SEL1L2: variants seen among roughly 807,000 people sequenced by gnomAD.
SEL1L2 encodes the protein protein sel-1 homolog 2.
In SEL1L2, 89 loss-of-function variants were observed where a neutral mutation model predicts 98.8. That is an observed-to-expected ratio of 0.90 (90% CI 0.76 to 1.07). The LOEUF is 1.07. Ranked by LOEUF, SEL1L2 falls within the 50% of genes least tolerant of loss-of-function variation. The pLI, the probability that SEL1L2 is intolerant of heterozygous loss-of-function variation, is 0.00. For missense variants in SEL1L2, 788 were observed against 812.0 expected, an observed-to-expected ratio of 0.97 and a Z score of 0.36; for synonymous variants, 262 against 278.5, an observed-to-expected ratio of 0.94 and a Z score of 0.59.
intron 5 of SEL1L2, among the ~76,000 whole-genome samples, chr20:13,894,578 A>G (rs898817484): frequency 6.6e-6 from 1 of 152,178 alleles, no homozygotes; most frequent in African/African-American, 2.4e-5. Flanking sequence ...AAACAAACAA[A>G]CAAAAAATTA....
intron 5 of SEL1L2, among the ~76,000 whole-genome samples, chr20:13,912,163 C>T (rs2048230027): frequency 1.3e-5 from 2 of 152,160 alleles, no homozygotes. Context: ...GTTGCCCCAT[C>T]TACAAGGGGT....
At chr20:13,878,013 T>G (rs1374101004) in intron 10 of SEL1L2, among the ~76,000 whole-genome samples, 1 of 152,208 alleles carries the variant, frequency 6.6e-6, no homozygotes, top group Non-Finnish European at 1.5e-5. Context: ...TGCTAATGTT[T>G]GTAGGCAGAG....
upstream of SEL1L2, among the ~76,000 whole-genome samples, chr20:13,991,041 A>G (rs1433722373): frequency 6.6e-6 from 1 of 152,226 alleles, no homozygotes; most frequent in East Asian, 1.9e-4. Flanking sequence ...GAAAATCTTT[A>G]TCCTCTTTTC....
Position 13,859,250 on chromosome 20 carries a change from C to T in SEL1L2, c.1818+12G>A. On this transcript the variant is annotated intron_variant, in intron 18 of 19. Transcript: ENST00000284951. ...GTCATTACTAGGTTTGAATTATTACCAGCAAAATTACCTTTGTGATGCCTA... is the reference window on the plus strand; with the variant it reads ...GTCATTACTAGGTTTGAATTATTACTAGCAAAATTACCTTTGTGATGCCTA... The T allele has an allele frequency of 6.2e-7, 1 of 1,612,618 alleles. No individual in the cohort carries two copies. The highest frequency in any genetic ancestry group is 8.5e-7 in the Non-Finnish European group (1 of 1,178,816).
At chr20:13,968,662 G>T (rs555891316) in intron 1 of SEL1L2, among the ~76,000 whole-genome samples, 1 of 152,288 alleles carries the variant, frequency 6.6e-6, no homozygotes, top group East Asian at 1.9e-4. Context: ...GAAAAGAAAG[G>T]ACTTACAATC....
At chr20:13,931,881 C>A in intron 2 of SEL1L2, 110 bp from the exon 3 acceptor site, 2 of 818,332 alleles carry the variant, frequency 2.4e-6, no homozygotes, top group Non-Finnish European at 1.8e-6. Context: ...AAGCTTAATG[C>A]AATTACTCTA....
intron 1 of SEL1L2, among the ~76,000 whole-genome samples, chr20:13,968,802 A>G (rs1432087082): frequency 1.3e-5 from 2 of 152,220 alleles, no homozygotes; most frequent in African/African-American, 4.8e-5. Context: ...GAGAGGTGGT[A>G]AAGAGAAATT....
At chr20:13,906,774 GT>G (rs2047947684) in intron 5 of SEL1L2, among the ~76,000 whole-genome samples, 1 of 152,064 alleles carries the variant, frequency 6.6e-6, no homozygotes, top group Non-Finnish European at 1.5e-5. Flanking sequence ...TGCCTCCCAG[GT>G]TCCCGCCATT....
At chr20:13,970,252 T>C (rs558285117) in intron 1 of SEL1L2, among the ~76,000 whole-genome samples, 1 of 152,262 alleles carries the variant, frequency 6.6e-6, no homozygotes, top group South Asian at 2.1e-4. Context: ...AATCTCAAGG[T>C]TGGAAGACAG....
intron 18 of SEL1L2, among the ~76,000 whole-genome samples, chr20:13,857,202 A>ATTT (rs1207594766): frequency 2.1e-5 from 3 of 141,442 alleles, no homozygotes; most frequent in African/African-American, 5.2e-5. Flanking sequence ...GTAGTCCCTG[A>ATTT]TTTTTTTTTT....
chr20:13,959,676 G>A (rs2050695184), intron 1 of SEL1L2, among the ~76,000 whole-genome samples: 1 of 152,162 alleles, frequency 6.6e-6, no homozygotes, highest in Non-Finnish European at 1.5e-5. Flanking sequence ...TCTACAACCA[G>A]CAAGATTCAG....
At chr20:13,888,409 C>T (rs1185237249) in intron 6 of SEL1L2, 50 bp downstream of exon 6, 1 of 1,203,928 alleles carries the variant, frequency 8.3e-7, no homozygotes, top group Non-Finnish European at 1.2e-6. Context: ...ATTCAATGTC[C>T]CTTTTAGAGA....
At chr20:13,978,829 C>A (rs563035587) in intron 1 of SEL1L2, among the ~76,000 whole-genome samples, 3 of 152,144 alleles carry the variant, frequency 2.0e-5, no homozygotes, top group Admixed American at 2.0e-4. Context: ...GAGGCCAAGG[C>A]GAGTGGAACA....
intron 18 of SEL1L2, among the ~76,000 whole-genome samples, chr20:13,858,469 C>T (rs1313432991): frequency 6.6e-6 from 1 of 152,160 alleles, no homozygotes; most frequent in Non-Finnish European, 1.5e-5. Context: ...AACCTCTCTG[C>T]GCTGTGGCTT....
chr20:13,958,212 T>A (rs1177021331), intron 1 of SEL1L2, among the ~76,000 whole-genome samples: 1 of 152,170 alleles, frequency 6.6e-6, no homozygotes. Context: ...TTTATATATT[T>A]AGCACAGTAC....
intron 1 of SEL1L2, 99 bp downstream of exon 1, chr20:13,990,378 T>G: frequency 1.2e-6 from 1 of 800,414 alleles, no homozygotes; most frequent in Non-Finnish European, 2.1e-6. Context: ...AGGGATATAG[T>G]AAAGTTACTT....
chr20:13,967,856 A>AT (rs1209310300), intron 1 of SEL1L2, among the ~76,000 whole-genome samples: 2 of 152,220 alleles, frequency 1.3e-5, no homozygotes, highest in African/African-American at 4.8e-5. Context: ...TTGCATATAT[A>AT]TGAGGGATAG....
At chr20:13,990,947 C>G (rs2052514713), upstream of SEL1L2, among the ~76,000 whole-genome samples, 1 of 152,202 alleles carries the variant, frequency 6.6e-6, no homozygotes, top group Admixed American at 6.5e-5. Context: ...ATGAACTGAT[C>G]TGACATCATC....
chr20:13,983,220 G>A (rs1392416375), intron 1 of SEL1L2, among the ~76,000 whole-genome samples: 1 of 151,846 alleles, frequency 6.6e-6, no homozygotes, highest in African/African-American at 2.4e-5. Flanking sequence ...AAATAACTCA[G>A]TAACTTTTTA....
Sources: gnomAD v4.1 joint callset for allele counts (sites outside exome capture counted in the v4.1 genomes callset) on GRCh38, gnomAD v4.1.1 for gene constraint, MANE v1.5 for transcripts, NCBI Gene and HGNC (gene_info 2026-07-23, HGNC 2026-07-21) for gene names.